The following PRKD2 variants were observed in gnomAD, a reference collection of about 807,000 sequenced individuals.
PRKD2 encodes serine/threonine-protein kinase D2.
A neutral mutation model predicts 86.0 loss-of-function variants in PRKD2; 22 were observed. The observed-to-expected ratio is 0.26, with a 90% CI of 0.18 to 0.37. PRKD2 has a LOEUF of 0.37. Among genes scored for constraint, PRKD2 ranks in the 10% least tolerant of loss-of-function variants. The pLI is 1.00. For synonymous variants in PRKD2, 509 were observed against 510.9 expected (o/e 1.00, Z 0.05); for missense variants, 818 against 1,199.2 (o/e 0.68, Z 4.70).
intron 1 of PRKD2, among the ~76,000 whole-genome samples, chr19:46,715,415 A>G (rs1035288390): frequency 2.0e-5 from 3 of 152,200 alleles, no homozygotes; most frequent in African/African-American, 7.2e-5. Context: ...TATGATTCTA[A>G]TATTCTAACA....
chr19:46,676,752 C>T (rs2053209575), intron 16 of PRKD2, among the ~76,000 whole-genome samples: 1 of 152,138 alleles, frequency 6.6e-6, no homozygotes, highest in South Asian at 2.1e-4. Flanking sequence ...TGAGGGACTT[C>T]TGAGTGGGTC....
intron 15 of PRKD2, among the ~76,000 whole-genome samples, chr19:46,679,570 G>T (rs1366060950): frequency 6.6e-6 from 1 of 152,198 alleles, no homozygotes; most frequent in African/African-American, 2.4e-5. Context: ...TTAGGTAGGA[G>T]TGGGTGCTGA....
At chr19:46,694,158 G>A (rs2053524331) in intron 9 of PRKD2, 25 bp from the exon 10 acceptor site, 1 of 1,608,160 alleles carries the variant, frequency 6.2e-7, no homozygotes, top group Admixed American at 1.7e-5. Flanking sequence ...ACCAGCACAG[G>A]TGAGGATGCC....
chr19:46,681,525 T>C, intron 15 of PRKD2, 125 bp downstream of exon 15: 1 of 676,530 alleles, frequency 1.5e-6, no homozygotes, highest in South Asian at 1.9e-5. Context: ...CTCAAAATGC[T>C]GATTACAGGC....
Position 46,685,525 on chromosome 19 carries a change from C to CAG in PRKD2, c.1972-3779_1972-3778dup, listed in dbSNP as rs141157195. The stretch of plus-strand genomic sequence containing the variant: ...CAAGAGCCCAGAAAGCAGAAATCTG[C>CAG]AGAGAGAGAGAGAGAGAGAAAGAAG... On this transcript the variant is annotated intron_variant, in intron 14 of 17. Transcript: ENST00000291281. The CAG allele has an allele frequency of 1.2e-3, 180 of 150,114 alleles. 1 individual carries two copies. Among genetic ancestry groups the CAG allele is most frequent in the African/African-American group, 2.6e-3 (108 of 40,996 alleles). 9.3% of individuals were successfully genotyped at this position (150,114 alleles called of 1,614,324 possible).
chr19:46,682,223 G>T (rs930453387), intron 14 of PRKD2, among the ~76,000 whole-genome samples: 2 of 152,012 alleles, frequency 1.3e-5, no homozygotes, highest in South Asian at 2.1e-4. Context: ...GGCCAGGCTG[G>T]TCTCAAACTC....
chr19:46,700,873 G>A lies in PRKD2; in HGVS notation c.1047C>T (p.Val349=). ...CATTCTCTGAGTGGGAGCCAGGGAT[G>A]ACACCGGAGTCCTCTGACTCATCCA... ...ALMDESEDSG[V]IPGSHSENAL... The change falls in exon 7 of 18, where the codon GTC becomes GTT. Residue 349 remains valine (V), a synonymous_variant. Transcript: ENST00000291281. The A allele has an allele frequency of 1.2e-6, 2 of 1,614,260 alleles. No individual in the cohort carries two copies. Among genetic ancestry groups the A allele is most frequent in the Non-Finnish European group, 8.5e-7 (1 of 1,180,050 alleles).
intron 16 of PRKD2, among the ~76,000 whole-genome samples, chr19:46,677,989 G>A (rs1250544906): frequency 6.6e-6 from 1 of 152,122 alleles, no homozygotes; most frequent in Admixed American, 6.6e-5. Context: ...TGACCCTTTT[G>A]GGGTCGTAAA....
chr19:46,708,855 C>A (rs969338161), intron 3 of PRKD2, among the ~76,000 whole-genome samples: 34 of 152,104 alleles, frequency 2.2e-4, no homozygotes, highest in Admixed American at 5.2e-4. Flanking sequence ...AAGACAGGTG[C>A]CAGGTTGACA....
chr19:46,697,292 C>T, intron 8 of PRKD2, 58 bp from the exon 9 acceptor site: 1 of 1,338,708 alleles, frequency 7.5e-7, no homozygotes. Flanking sequence ...CAGTCCCTAT[C>T]CCGTGGAGCT....
rs1193445250 is a variant in PRKD2, at chr19:46,680,951, T to A, written c.2070+699A>T. On this transcript the variant is annotated intron_variant, in intron 15 of 17. Transcript: ENST00000291281. ...ATATATATATATATATATATATTTT[T>A]TTTTTTTTTTTTGAGACAGAGTCTC... is the stretch of plus-strand genomic sequence containing the variant. Among the ~76,000 whole-genome samples the A allele has an allele frequency of 1.2e-3, 134 of 108,268 alleles. 4 individuals are homozygous for A. The highest frequency in any genetic ancestry group is 4.7e-3 in the African/African-American group (119 of 25,458). 71.0% of individuals were successfully genotyped at this position (108,268 alleles called of 152,430 possible). A position where few individuals can be genotyped will look rare whatever the true frequency, so the allele number is the denominator to read the frequency against.
At chr19:46,702,135 C>A (rs747442879) in intron 5 of PRKD2, among the ~76,000 whole-genome samples, 11 of 151,230 alleles carry the variant, frequency 7.3e-5, no homozygotes, top group Non-Finnish European at 1.5e-4. Flanking sequence ...GCCTCCCAGG[C>A]TCAAGCGATC....
At position 46,713,999 on chromosome 19, in the gene PRKD2, G is replaced by C. The variant is rs1226379710; in HGVS notation, c.243C>G (p.Phe81Leu). ...AAAGGCCGTAGAAGCCACACTCAGG[G>C]AACTGAGGGGCGGGAGAGGGATGTG... ...QLACSIVDQK[F>L]PECGFYGLYD... The change falls in exon 2 of 18, where the codon TTC becomes TTG. Residue 81 changes from phenylalanine (F) to leucine (L), a missense_variant and splice_region_variant. Transcript: ENST00000291281. The C allele has an allele frequency of 1.2e-6, 2 of 1,613,324 alleles. No individual in the cohort carries two copies. The highest frequency in any genetic ancestry group is 4.5e-5 in the East Asian group (2 of 44,868).
Position 46,716,980 on chromosome 19 carries a change from C to A in PRKD2, c.-610G>T. On this transcript the variant is annotated 5_prime_UTR_variant, in exon 1 of 18. Transcript: ENST00000291281. The surrounding 1 kb of genome is among the most constrained non-coding windows in gnomAD (Gnocchi z 7.9). ...CGCAGAAGTTGGAGAAAAGTTCGGT[C>A]GGGAGCCGTGAGGAAGGGGGCGTTG... is the stretch of plus-strand genomic sequence containing the variant. 8.6e-6 allele frequency: 1 copy of A among 116,050 alleles called. No homozygotes were observed. The highest frequency in any genetic ancestry group is 3.0e-4 in the South Asian group (1 of 3,316). The allele number at this position is 116,050 out of a possible 1,614,324, so 7.2% of individuals were successfully genotyped here.
chr19:46,681,255 C>CT (rs560763431), intron 15 of PRKD2, among the ~76,000 whole-genome samples: 2,728 of 133,092 alleles, frequency 0.02, 49 homozygotes, highest in Middle Eastern at 0.049. Context: ...CGCACCCAGT[C>CT]TTTTTTTTTT....
chr19:46,681,680 C>A lies in PRKD2; in HGVS notation c.2040G>T (p.Val680=), dbSNP rs376033668. The change falls in exon 15 of 18, where the codon GTG becomes GTT. Residue 680 remains valine (V), a synonymous_variant. Transcript: ENST00000291281. ...IVHCDLKPEN[V]LLASADPFPQ... ...GAAATGGGTCTGCTGATGCCAGCAA[C>A]ACGTTTTCTGGTTTCAAGTCACAGT... 4.7e-5 allele frequency: 75 copies of A among 1,590,246 alleles called. No individual in the cohort carries two copies. The highest frequency in any genetic ancestry group is 6.2e-5 in the Non-Finnish European group (72 of 1,166,244).
chr19:46,685,387 T>A (rs2053382080), intron 14 of PRKD2: 1 of 152,256 alleles, frequency 6.6e-6, no homozygotes, highest in Admixed American at 6.6e-5. Flanking sequence ...GAGCCTCAGT[T>A]TCCTCATCTA....
At chr19:46,677,500 G>C (rs1457077796) in intron 16 of PRKD2, 4 of 152,294 alleles carry the variant, frequency 2.6e-5, no homozygotes, top group African/African-American at 7.3e-5. Context: ...CTCCAACACA[G>C]GTCCCTTGTT....
Position 46,680,246 on chromosome 19 carries a change from T to C in PRKD2, c.2070+1404A>G, listed in dbSNP as rs184588552. On this transcript the variant is annotated intron_variant, in intron 15 of 17. Coordinates refer to ENST00000291281, the MANE Select transcript of PRKD2 (RefSeq NM_016457.5). ...ACAGATCTTATAGCTCTTTCTCTTTTCCAAGATCTATACTTTCCTATGGAT... is the reference window on the plus strand; with the variant it reads ...ACAGATCTTATAGCTCTTTCTCTTTCCCAAGATCTATACTTTCCTATGGAT... Among the ~76,000 whole-genome samples the C allele has an allele frequency of 1.6e-3, 249 of 152,246 alleles. 2 individuals carry two copies. The highest frequency in any genetic ancestry group is 7.9e-3 in the East Asian group (41 of 5,182).
Sources: gnomAD v4.1 joint callset for allele counts (sites outside exome capture counted in the v4.1 genomes callset) on GRCh38, gnomAD v4.1.1 for gene constraint, Gnocchi (gnomAD v3.1) non-coding constraint, MANE v1.5 for transcripts, NCBI Gene and HGNC (gene_info 2026-07-23, HGNC 2026-07-21) for gene names.